Variants in KIF5C observed in about 807,000 individuals in gnomAD.
KIF5C encodes the protein kinesin heavy chain isoform 5C.
A neutral mutation model predicts 125.2 loss-of-function variants in KIF5C; 18 were observed. The ratio of observed to expected loss-of-function variants is 0.14; its 90% CI spans 0.10 to 0.21. The LOEUF (loss-of-function observed/expected upper bound fraction) is 0.21, where lower values mean the gene tolerates loss of function less well. Among genes scored for constraint, KIF5C ranks in the 10% least tolerant of loss-of-function variants. The pLI is 1.00. For synonymous variants in KIF5C, 405 were observed against 434.0 expected, an observed-to-expected ratio of 0.93 and a Z score of 0.83; for missense variants, 780 against 1,183.8, an observed-to-expected ratio of 0.66 and a Z score of 5.01.
intron 23 of KIF5C, among the ~76,000 whole-genome samples, chr2:149,008,822 G>C (rs1682090211): frequency 6.6e-6 from 1 of 152,012 alleles, no homozygotes; most frequent in African/African-American, 2.4e-5. Context: ...CAATATTACT[G>C]ATGATGGCAT....
intron 15 of KIF5C, 55 bp from the exon 16 acceptor site, chr2:148,990,955 C>A: frequency 6.4e-7 from 1 of 1,554,424 alleles, no homozygotes; most frequent in Non-Finnish European, 8.7e-7. Context: ...CCAGGGAGTC[C>A]GTGAACCTAT....
intron 1 of KIF5C, among the ~76,000 whole-genome samples, chr2:148,905,491 C>T (rs1396614904): frequency 6.6e-6 from 1 of 152,058 alleles, no homozygotes; most frequent in South Asian, 2.1e-4. Flanking sequence ...TGCTGCTTCC[C>T]ATTTAGCAAA....
chr2:149,006,678 G>T (rs1682019790), intron 22 of KIF5C, among the ~76,000 whole-genome samples: 3 of 152,186 alleles, frequency 2.0e-5, no homozygotes, highest in Admixed American at 6.5e-5. Context: ...AATAAAGAAG[G>T]CAGAAAATGA....
intron 1 of KIF5C, among the ~76,000 whole-genome samples, chr2:148,890,459 C>T (rs985561469): frequency 1.1e-4 from 16 of 152,004 alleles, no homozygotes; most frequent in African/African-American, 2.7e-4. Context: ...TATGATTGCA[C>T]CACTGCACTC....
chr2:148,988,538 G>C (rs776215131), intron 15 of KIF5C, among the ~76,000 whole-genome samples: 3 of 152,182 alleles, frequency 2.0e-5, no homozygotes, highest in Non-Finnish European at 2.9e-5. Flanking sequence ...AGAGCTTCTG[G>C]CTCAGCAGCG....
intron 15 of KIF5C, among the ~76,000 whole-genome samples, chr2:148,986,640 A>G (rs545555170): frequency 6.6e-6 from 1 of 152,338 alleles, no homozygotes; most frequent in South Asian, 2.1e-4. Context: ...TGAACAGATC[A>G]AGGGAATTTG....
Position 149,000,510 on chromosome 2 carries a change from G to A in KIF5C, c.2298G>A (p.Lys766=). Residue 766 remains lysine, a synonymous_variant, in exon 20 of 26, where the codon AAG becomes AAA. Coordinates refer to ENST00000435030, the MANE Select transcript of KIF5C (RefSeq NM_004522.3). ...LKIEDQEREM[K]LEKLLLLNDK... is the part of the protein sequence containing the mutation. ...TAGAGGACCAAGAGAGAGAAATGAA[G>A]CTGGAAAAGCTCTTGTGAGTGCACT... 3 of 1,564,194 alleles carry A rather than the reference G, an allele frequency of 1.9e-6. No individual in the cohort carries two copies. The highest frequency in any genetic ancestry group is 8.7e-7 in the Non-Finnish European group (1 of 1,146,816).
chr2:149,009,530 A>G (rs1682119118), intron 23 of KIF5C, among the ~76,000 whole-genome samples: 1 of 152,170 alleles, frequency 6.6e-6, no homozygotes, highest in South Asian at 2.1e-4. Flanking sequence ...ACCAAGTCAG[A>G]TGGCCAGGAC....
intron 10 of KIF5C, among the ~76,000 whole-genome samples, chr2:148,957,925 G>T (rs1237907764): frequency 6.6e-6 from 1 of 151,996 alleles, no homozygotes; most frequent in Non-Finnish European, 1.5e-5. Context: ...GATTGTTATT[G>T]CCTGTCTTTG....
In KIF5C at chr2:148,924,142, G is replaced by A. The variant is rs1249834354; in HGVS notation, c.217+1915G>A. Among the ~76,000 whole-genome samples the A allele has an allele frequency of 6.6e-6, 1 of 152,196 alleles. No homozygotes were observed. The highest frequency in any genetic ancestry group is 1.5e-5 in the Non-Finnish European group (1 of 68,034). ...TCCACTGAGGCTAGTGTGAGAAGTGGCCATGTATTTCAGAATCAGTAAGCT... is the reference window on the plus strand; with the variant it reads ...TCCACTGAGGCTAGTGTGAGAAGTGACCATGTATTTCAGAATCAGTAAGCT... On this transcript the variant is annotated intron_variant, in intron 2 of 25. Transcript: ENST00000435030. The surrounding 1 kb of genome is among the most constrained non-coding windows in gnomAD (Gnocchi z 4.0).
intron 15 of KIF5C, among the ~76,000 whole-genome samples, chr2:148,984,590 C>T (rs1294602082): frequency 6.6e-6 from 1 of 152,128 alleles, no homozygotes; most frequent in East Asian, 1.9e-4. Context: ...AAAAGGCCAA[C>T]TTCTTTAATC....
At chr2:148,930,903 G>C (rs1352698832) in intron 3 of KIF5C, among the ~76,000 whole-genome samples, 3 of 152,054 alleles carry the variant, frequency 2.0e-5, no homozygotes, top group African/African-American at 7.2e-5. Context: ...CTATCCTCAC[G>C]CTCCTGTCCC....
chr2:149,013,552 A>C (rs1421925178), intron 25 of KIF5C, among the ~76,000 whole-genome samples: 1 of 152,224 alleles, frequency 6.6e-6, no homozygotes, highest in Non-Finnish European at 1.5e-5. Context: ...GTGGATGTTG[A>C]GGTGGGCAGC....
chr2:148,928,057 A>G (rs1004637076), intron 2 of KIF5C, among the ~76,000 whole-genome samples: 2 of 152,184 alleles, frequency 1.3e-5, no homozygotes, highest in African/African-American at 2.4e-5. Context: ...TCACACTTCA[A>G]CAACCTCAGA....
chr2:148,939,976 T>C (rs1682370110), intron 4 of KIF5C, among the ~76,000 whole-genome samples: 1 of 152,238 alleles, frequency 6.6e-6, no homozygotes, highest in Non-Finnish European at 1.5e-5. Context: ...TGTTTCTACT[T>C]ACATTAAATG....
At chr2:148,927,022 A>G (rs917753118) in intron 2 of KIF5C, among the ~76,000 whole-genome samples, 1 of 152,176 alleles carries the variant, frequency 6.6e-6, no homozygotes, top group Non-Finnish European at 1.5e-5. Flanking sequence ...GTGTTCAGTG[A>G]CGAAATGGCA....
chr2:148,884,050 C>G (rs1157513802), intron 1 of KIF5C: 1 of 152,140 alleles, frequency 6.6e-6, no homozygotes, highest in Non-Finnish European at 1.5e-5. Flanking sequence ...CATAAAGCAT[C>G]CCTTCATATT....
intron 2 of KIF5C, among the ~76,000 whole-genome samples, chr2:148,927,833 G>A (rs1034153370): frequency 1.3e-5 from 2 of 151,864 alleles, no homozygotes; most frequent in Non-Finnish European, 2.9e-5. Context: ...GTTAGCAGGG[G>A]AGCCATTAGC....
chr2:148,983,871 T>C, intron 15 of KIF5C, 105 bp downstream of exon 15: 1 of 1,294,374 alleles, frequency 7.7e-7, no homozygotes, highest in Non-Finnish European at 9.9e-7. Context: ...GCTTTGCATC[T>C]GCCATGTGCT....
Sources: gnomAD v4.1 joint callset for allele counts (sites outside exome capture counted in the v4.1 genomes callset) on GRCh38, gnomAD v4.1.1 for gene constraint, Gnocchi (gnomAD v3.1) non-coding constraint, MANE v1.5 for transcripts, NCBI Gene and HGNC (gene_info 2026-07-23, HGNC 2026-07-21) for gene names.